The following TRDN variants were observed in gnomAD, a reference collection of about 807,000 sequenced individuals.
TRDN encodes the protein triadin in skeletal muscle.
In TRDN, 161 loss-of-function variants were observed where a neutral mutation model predicts 149.7. The ratio of observed to expected loss-of-function variants is 1.08; its 90% CI spans 0.95 to 1.23. TRDN has a LOEUF of 1.23. Ranked by LOEUF, TRDN falls within the 50% of genes most tolerant of loss-of-function variation. TRDN has a pLI of 0.00. For synonymous variants in TRDN, 294 were observed against 250.5 expected, an observed-to-expected ratio of 1.17 and a Z score of -1.64; for missense variants, 896 against 823.5, an observed-to-expected ratio of 1.09 and a Z score of -1.08.
At chr6:123,292,085 C>T (rs910769267) in intron 24 of TRDN, among the ~76,000 whole-genome samples, 1 of 152,162 alleles carries the variant, frequency 6.6e-6, no homozygotes, top group African/African-American at 2.4e-5. Context: ...GGTACCTGCT[C>T]AACTCCATTC....
Position 123,218,409 on chromosome 6 carries a change from G to T in TRDN, c.*192C>A. The T allele has an allele frequency of 1.7e-6, 1 of 574,776 alleles. No homozygotes were observed. Among genetic ancestry groups the T allele is most frequent in the Non-Finnish European group, 3.0e-6 (1 of 334,120 alleles). The allele number at this position is 574,776 out of a possible 1,614,324, so 35.6% of individuals were successfully genotyped here. A position where few individuals can be genotyped will look rare whatever the true frequency, so the allele number is the denominator to read the frequency against. ...GCAAACACACATAACAGATTCTTGA[G>T]ACTTAGACCCTTAAACATGTCTGCT... On this transcript the variant is annotated 3_prime_UTR_variant, in exon 41 of 41. Coordinates refer to ENST00000334268, the MANE Select transcript of TRDN (RefSeq NM_006073.4).
rs956774169 is a variant in TRDN, at chr6:123,619,701, T to C, written c.22+17053A>G. Among the ~76,000 whole-genome samples the C allele has an allele frequency of 4.6e-5, 7 of 152,040 alleles. No individual in the cohort carries two copies. In the East Asian group the frequency reaches 9.7e-4, roughly 21 times the overall value. On this transcript the variant is annotated intron_variant, in intron 1 of 40. Coordinates refer to ENST00000334268, the MANE Select transcript of TRDN (RefSeq NM_006073.4). ...TCTTGCTGCAGCCACTTTTGAAAAA[T>C]ACAATCTGTCACATACAGACATCCA... is the stretch of plus-strand genomic sequence containing the variant.
intron 1 of TRDN, among the ~76,000 whole-genome samples, chr6:123,605,303 A>G (rs1784479576): frequency 6.7e-6 from 1 of 148,768 alleles, no homozygotes. Flanking sequence ...ACACACACAT[A>G]TATATAAACA....
chr6:123,394,350 G>T (rs1461367974), intron 12 of TRDN, among the ~76,000 whole-genome samples: 1 of 151,832 alleles, frequency 6.6e-6, no homozygotes, highest in Non-Finnish European at 1.5e-5. Flanking sequence ...TACTTAATCA[G>T]AATGGGAAAT....
chr6:123,261,814 G>A (rs916391913), intron 33 of TRDN, among the ~76,000 whole-genome samples: 3 of 151,634 alleles, frequency 2.0e-5, no homozygotes, highest in African/African-American at 7.3e-5. Context: ...CCTTAATTTT[G>A]GCAATAGTGT....
chr6:123,405,755 A>T (rs1007262561), intron 12 of TRDN, among the ~76,000 whole-genome samples: 3 of 152,150 alleles, frequency 2.0e-5, no homozygotes, highest in South Asian at 2.1e-4. Flanking sequence ...ATAACTGCAA[A>T]TTTTTTTTAA....
intron 2 of TRDN, among the ~76,000 whole-genome samples, chr6:123,553,329 A>G (rs1359283882): frequency 6.6e-6 from 1 of 152,064 alleles, no homozygotes; most frequent in Non-Finnish European, 1.5e-5. Context: ...CCCAACCTTA[A>G]TGCTACCCTT....
chr6:123,280,810 G>A (rs1298966603), intron 24 of TRDN, among the ~76,000 whole-genome samples: 1 of 151,876 alleles, frequency 6.6e-6, no homozygotes, highest in Non-Finnish European at 1.5e-5. Context: ...TCTATTGCAA[G>A]TATCAACTTA....
At chr6:123,238,887 C>T (rs1775884996) in intron 38 of TRDN, among the ~76,000 whole-genome samples, 1 of 152,170 alleles carries the variant, frequency 6.6e-6, no homozygotes, top group South Asian at 2.1e-4. Flanking sequence ...TTTGGCCAGG[C>T]TGGAGTGCAG....
chr6:123,569,251 C>T (rs1782440370), intron 2 of TRDN, among the ~76,000 whole-genome samples: 1 of 152,182 alleles, frequency 6.6e-6, no homozygotes, highest in Non-Finnish European at 1.5e-5. Context: ...CAATACATTC[C>T]TCATTTCCAT....
At chr6:123,477,311 G>C (rs2114758056) in intron 9 of TRDN, among the ~76,000 whole-genome samples, 1 of 139,590 alleles carries the variant, frequency 7.2e-6, no homozygotes, top group South Asian at 2.7e-4. Flanking sequence ...ATGAAAAAAT[G>C]CTCACCATCA....
At chr6:123,476,711 G>T (rs1000394484) in intron 9 of TRDN, among the ~76,000 whole-genome samples, 1 of 146,586 alleles carries the variant, frequency 6.8e-6, no homozygotes, top group East Asian at 2.1e-4. Context: ...CCAAAACAGA[G>T]ATATAGATCA....
chr6:123,413,464 G>A (rs750666418), intron 12 of TRDN, among the ~76,000 whole-genome samples: 7 of 152,152 alleles, frequency 4.6e-5, no homozygotes, highest in African/African-American at 9.7e-5. Context: ...TTAAAATGGT[G>A]TTTCTAAAGG....
intron 34 of TRDN, 125 bp downstream of exon 34, chr6:123,260,487 G>T (rs965696768): frequency 1.4e-5 from 15 of 1,076,826 alleles, no homozygotes; most frequent in Non-Finnish European, 1.8e-5. Context: ...TGCCTGTTCT[G>T]TAGAACAGAA....
intron 38 of TRDN, among the ~76,000 whole-genome samples, chr6:123,224,388 A>C: frequency 6.6e-6 from 1 of 151,610 alleles, no homozygotes; most frequent in African/African-American, 2.4e-5. Flanking sequence ...GCTTGTGGTG[A>C]CCTCCAACAC....
At chr6:123,439,856 T>A (rs1360088016) in intron 10 of TRDN, 1 of 152,242 alleles carries the variant, frequency 6.6e-6, no homozygotes, top group Non-Finnish European at 1.5e-5. Context: ...GGTTTTAGAT[T>A]TGGGACAATA....
At chr6:123,269,810 A>G (rs1296867224) in intron 31 of TRDN, 39 bp downstream of exon 31, 1 of 1,603,308 alleles carries the variant, frequency 6.2e-7, no homozygotes, top group East Asian at 2.2e-5. Flanking sequence ...TGAAATGGTC[A>G]AGCGATATTT....
chr6:123,617,801 C>T (rs1014916801), intron 1 of TRDN, among the ~76,000 whole-genome samples: 5 of 151,922 alleles, frequency 3.3e-5, no homozygotes, highest in Non-Finnish European at 7.4e-5. Flanking sequence ...TGAAGTGGTG[C>T]GATGTTGGTT....
At chr6:123,503,051 T>C (rs1440180069) in intron 8 of TRDN, 1 of 985,132 alleles carries the variant, frequency 1.0e-6, no homozygotes, top group Non-Finnish European at 1.2e-6. Context: ...TCCATTGAAG[T>C]GATATATTTT....
Sources: allele counts gnomAD v4.1 joint callset (sites outside exome capture counted in the v4.1 genomes callset), GRCh38; gene constraint gnomAD v4.1.1; transcripts MANE v1.5; gene names NCBI Gene and HGNC (gene_info 2026-07-23, HGNC 2026-07-21).